Variants in SRCAP observed in about 807,000 individuals in gnomAD.
SRCAP encodes chromatin remodeling protein SRCAP.
Under a neutral mutation model 263.1 loss-of-function variants are expected in SRCAP, and 46 were observed. That is an observed-to-expected ratio of 0.17 (90% CI 0.14 to 0.22). The LOEUF (loss-of-function observed/expected upper bound fraction) is 0.22. Among genes scored for constraint, SRCAP ranks in the 10% least tolerant of loss-of-function variants. SRCAP has a pLI of 1.00. For missense variants in SRCAP, 3,695 were observed against 4,181.9 expected (o/e 0.88, Z 3.21); for synonymous variants, 1,813 against 1,662.1 (o/e 1.09, Z -2.21).
At chr16:30,707,785 C>A in intron 6 of SRCAP, 73 bp downstream of exon 6, 2 of 1,557,150 alleles carry the variant, frequency 1.3e-6, no homozygotes, top group Non-Finnish European at 1.8e-6. Context: ...TAGGAATGAT[C>A]AAAACTTCTT....
chr16:30,725,589 C>T (rs887881529), intron 25 of SRCAP: 1 of 153,814 alleles, frequency 6.5e-6, no homozygotes, highest in South Asian at 2.0e-4. Context: ...TACTCCCCCA[C>T]CTTCCACCAG....
In SRCAP at chr16:30,710,056, C is replaced by T. The variant is rs764314892; in HGVS notation, c.1062C>T (p.Pro354=). 9 of 1,614,014 alleles carry T rather than the reference C, an allele frequency of 5.6e-6. No individual in the cohort carries two copies. The highest frequency in any genetic ancestry group is 7.6e-6 in the Non-Finnish European group (9 of 1,180,050). The part of the protein sequence containing the change: ...LEGPSSPSQT[P]SSHDSDTRDG... ...GGCCTTCCAGCCCCTCTCAAACCCC[C>T]TCATCTCATGATAGTGACACCCGAG... The change falls in exon 8 of 34, where the codon CCC becomes CCT. Residue 354 remains proline (P), a synonymous_variant. Coordinates refer to ENST00000262518, the MANE Select transcript of SRCAP (RefSeq NM_006662.3).
intron 4 of SRCAP, 40 bp from the exon 5 acceptor site, chr16:30,707,143 G>T: frequency 6.2e-7 from 1 of 1,602,500 alleles, no homozygotes; most frequent in Non-Finnish European, 8.5e-7. Flanking sequence ...GATGGAGTGT[G>T]TGTTTAGAAC....
In SRCAP at chr16:30,709,623, T is replaced by G. The variant is rs773063722; in HGVS notation, c.744T>G (p.Ser248=). 6.2e-7 allele frequency: 1 copy of G among 1,614,194 alleles called. No homozygotes were observed. Among genetic ancestry groups the G allele is most frequent in the Non-Finnish European group, 8.5e-7 (1 of 1,180,044 alleles). The change falls in exon 7 of 34, where the codon TCT becomes TCG. Residue 248 remains serine (S), a synonymous_variant. Transcript: ENST00000262518. ...CTGAAAAGTACTCGGACCTTCTGTC[T>G]CAGAGCCTCAACCAGCCATTAACCT... is the stretch of plus-strand genomic sequence containing the variant. ...GQTEKYSDLL[S]QSLNQPLTSS...
rs759770688 is a variant in SRCAP, at chr16:30,729,133, C to T, written c.5826C>T (p.Gly1942=). The change falls in exon 26 of 34, where the codon GGC becomes GGT. Residue 1942 remains glycine (G), a synonymous_variant. Coordinates refer to ENST00000262518, the MANE Select transcript of SRCAP (RefSeq NM_006662.3). ...VASPIGPRSP[G]PSHPTFWTYT... ...GCCCCATCGGCCCTCGTTCTCCTGG[C>T]CCCAGCCACCCCACCTTTTGGACTT... The T allele has an allele frequency of 1.2e-6, 2 of 1,614,060 alleles. No homozygotes were observed. The highest frequency in any genetic ancestry group is 2.7e-5 in the African/African-American group (2 of 74,912).
chr16:30,707,834 TTA>T, intron 6 of SRCAP, 122 bp downstream of exon 6: 2 of 1,281,664 alleles, frequency 1.6e-6, no homozygotes, highest in Non-Finnish European at 2.2e-6. Flanking sequence ...CTAATGACGT[TTA>T]TGTTGTATGG....
rs1260123484 is a variant in SRCAP at position 30,733,479 on chromosome 16, C to T, written c.6297+30C>T. 2 of 1,612,948 alleles carry T rather than the reference C, an allele frequency of 1.2e-6. No homozygotes were observed. The highest frequency in any genetic ancestry group is 1.7e-6 in the Non-Finnish European group (2 of 1,179,290). On this transcript the variant is annotated intron_variant, in intron 28 of 33. Transcript: ENST00000262518. This position sits in a 1 kb window ranked among gnomAD's most constrained non-coding sequence, Gnocchi z 5.3. ...CCCAGGTTTCTGCAGCTCTTAGAGG[C>T]TCACCTCCGCTTCTCTCTCCTTTTC... is the stretch of plus-strand genomic sequence containing the variant.
chr16:30,701,828 C>T (rs575581167), intron 3 of SRCAP, among the ~76,000 whole-genome samples: 1 of 151,726 alleles, frequency 6.6e-6, no homozygotes, highest in African/African-American at 2.4e-5. Flanking sequence ...GGGGTTTCAC[C>T]ATCATGTTGG....
Position 30,724,147 on chromosome 16 carries a change from C to G in SRCAP, c.4723C>G (p.Pro1575Ala), listed in dbSNP as rs143556666. The change falls in exon 25 of 34, where the codon CCA becomes GCA. Residue 1575 changes from proline to alanine, a missense_variant. By Grantham distance (27) the Pro-to-Ala change is conservative. Around this residue, in one of 12 missense-constraint regions of SRCAP, gnomAD observed 1,347 missense variants for 1,304.4 expected, o/e 1.03. Coordinates refer to ENST00000262518, the MANE Select transcript of SRCAP (RefSeq NM_006662.3). ...PAPAQASLLAPASSASQALAT... is the reference protein window; with the variant it reads ...PAPAQASLLAAASSASQALAT... ...TCCAGCTCAGGCTTCCCTTCTGGCT[C>G]CAGCATCTTCTGCATCTCAGGCTCT... is the stretch of plus-strand genomic sequence containing the variant. 1 of 1,614,130 alleles carries G rather than the reference C, an allele frequency of 6.2e-7. No homozygotes were observed.
Position 30,723,088 on chromosome 16 carries a change from G to C in SRCAP, c.4018G>C (p.Ala1340Pro). Residue 1340 changes from alanine (A) to proline (P), a missense_variant, in exon 24 of 34, where the codon GCT becomes CCT. Physicochemically the swap from Ala to Pro is conservative, Grantham distance 27 (BLOSUM62 -1). Coordinates refer to ENST00000262518, the MANE Select transcript of SRCAP (RefSeq NM_006662.3). The stretch of plus-strand genomic sequence containing the variant: ...CCGGCCTCCGAGCTCTGGGCTTCCA[G>C]CTGTGTTGAATCCACGCCCCACGTT... ...APRPPSSGLP[A>P]VLNPRPTLTP... 1 of 1,614,086 alleles carries C rather than the reference G, an allele frequency of 6.2e-7. No individual in the cohort carries two copies. The highest frequency in any genetic ancestry group is 8.5e-7 in the Non-Finnish European group (1 of 1,180,016).
Position 30,737,436 on chromosome 16 carries a change from G to A in SRCAP, c.7396G>A (p.Val2466Ile). The A allele has an allele frequency of 6.3e-7, 1 of 1,598,312 alleles. No individual in the cohort carries two copies. Among genetic ancestry groups the A allele is most frequent in the Non-Finnish European group, 8.5e-7 (1 of 1,171,840 alleles). The stretch of plus-strand genomic sequence containing the variant: ...TGTTCCTGTCCCAGTTTCTGCCCCA[G>A]TACCCATTTCAGCCCCAAATCCAAT... ...ALVPVPVSAP[V>I]PISAPNPITI... The change falls in exon 34 of 34, where the codon GTA becomes ATA. Residue 2466 changes from valine to isoleucine, a missense_variant. Coordinates refer to ENST00000262518, the MANE Select transcript of SRCAP (RefSeq NM_006662.3).
At chr16:30,720,396 C>A in intron 19 of SRCAP, 65 bp downstream of exon 19, 3 of 1,545,754 alleles carry the variant, frequency 1.9e-6, no homozygotes, top group Non-Finnish European at 2.6e-6. Flanking sequence ...CCCAGAGGGG[C>A]CTGGGGTGGG....
chr16:30,731,991 A>G (rs988473024), intron 27 of SRCAP, among the ~76,000 whole-genome samples: 3 of 151,992 alleles, frequency 2.0e-5, no homozygotes, highest in African/African-American at 7.3e-5. Context: ...CAAAAAATAC[A>G]AAAATTAGCC....
chr16:30,716,919 A>G (rs1443860058), intron 18 of SRCAP, among the ~76,000 whole-genome samples: 3 of 152,218 alleles, frequency 2.0e-5, no homozygotes, highest in Non-Finnish European at 2.9e-5. Context: ...GAATAAGGCT[A>G]TGAACATAGG....
intron 9 of SRCAP, 66 bp from the exon 10 acceptor site, chr16:30,710,933 C>A: frequency 6.3e-7 from 1 of 1,597,274 alleles, no homozygotes; most frequent in South Asian, 1.1e-5. Context: ...TCATCTGTTT[C>A]ATTTGGACTG....
At chr16:30,730,063 G>C (rs1189031033) in intron 27 of SRCAP, among the ~76,000 whole-genome samples, 2 of 152,148 alleles carry the variant, frequency 1.3e-5, no homozygotes, top group Non-Finnish European at 2.9e-5. Context: ...CACCATGCCC[G>C]GCCATGAATT....
rs1029614645 is a variant in SRCAP at position 30,740,602 on chromosome 16, A to G, written c.*869A>G. 9 of 151,962 alleles carry G rather than the reference A, an allele frequency of 5.9e-5. No individual in the cohort carries two copies. The highest frequency in any genetic ancestry group is 1.0e-4 in the Non-Finnish European group (7 of 68,042). The allele number at this position is 151,962 out of a possible 1,614,324, so 9.4% of individuals were successfully genotyped here. On this transcript the variant is annotated 3_prime_UTR_variant, in exon 34 of 34. Coordinates refer to ENST00000262518, the MANE Select transcript of SRCAP (RefSeq NM_006662.3). ...ACGTGGTGGCTGGCCACTCAACCCCACCCCTGGGCTTGGCTTGGAGCCCTG... is the reference window on the plus strand; with the variant it reads ...ACGTGGTGGCTGGCCACTCAACCCCGCCCCTGGGCTTGGCTTGGAGCCCTG...
Position 30,724,831 on chromosome 16 carries a change from G to C in SRCAP, c.5407G>C (p.Ala1803Pro), listed in dbSNP as rs1207532807. 1 of 1,613,924 alleles carries C rather than the reference G, an allele frequency of 6.2e-7. No individual in the cohort carries two copies. The highest frequency in any genetic ancestry group is 1.7e-5 in the Admixed American group (1 of 60,016). Residue 1803 changes from alanine (A) to proline (P), a missense_variant, in exon 25 of 34, where the codon GCT (alanine) becomes CCT (proline). Around this residue, in one of 12 missense-constraint regions of SRCAP, gnomAD observed 1,347 missense variants for 1,304.4 expected, o/e 1.03. Transcript: ENST00000262518. ...AGTTCCTACCCTGGGCCCGGCCGCAGCTCAGACCTTGGCGCTGGCCCCAGC... is the reference window on the plus strand; with the variant it reads ...AGTTCCTACCCTGGGCCCGGCCGCACCTCAGACCTTGGCGCTGGCCCCAGC... Reference protein sequence around the residue: ...APVPTLGPAAAQTLALAPAST... With the variant: ...APVPTLGPAAPQTLALAPAST...
intron 18 of SRCAP, among the ~76,000 whole-genome samples, chr16:30,719,626 G>A (rs968584668): frequency 8.6e-5 from 13 of 151,052 alleles, no homozygotes; most frequent in Admixed American, 2.0e-4. Context: ...CAGTCCTCCC[G>A]CCTGAGCCTC....
Sources: gnomAD v4.1 joint callset for allele counts (sites outside exome capture counted in the v4.1 genomes callset) on GRCh38, gnomAD v4.1.1 for gene constraint, gnomAD v4.1.1 regional missense constraint, Gnocchi (gnomAD v3.1) non-coding constraint, MANE v1.5 for transcripts, NCBI Gene and HGNC (gene_info 2026-07-23, HGNC 2026-07-21) for gene names.